ABCC5: variants seen among roughly 807,000 people sequenced by gnomAD.
ABCC5 encodes the protein ATP binding cassette subfamily C member 5.
Under a neutral mutation model 160.9 loss-of-function variants are expected in ABCC5, and 61 were observed. The observed-to-expected ratio is 0.38, with a 90% CI of 0.31 to 0.47. The LOEUF (loss-of-function observed/expected upper bound fraction) is 0.47, where lower values mean the gene tolerates loss of function less well. Among genes scored for constraint, ABCC5 ranks in the 20% least tolerant of loss-of-function variants. The probability of loss-of-function intolerance (pLI) is 0.99; values close to 1 mark genes in which losing one functional copy is unlikely to be tolerated. For synonymous variants in ABCC5, 666 were observed against 700.6 expected (o/e 0.95, Z 0.78); for missense variants, 1,308 against 1,813.3 (o/e 0.72, Z 5.06).
At chr3:183,941,963 A>T (rs1402378415) in intron 25 of ABCC5, among the ~76,000 whole-genome samples, 1 of 150,602 alleles carries the variant, frequency 6.6e-6, no homozygotes, top group Non-Finnish European at 1.5e-5. Flanking sequence ...ACAGAGTGAG[A>T]CTTTGTCTCA....
At position 183,928,833 on chromosome 3, in the gene ABCC5, G is replaced by A; in HGVS notation, c.3855-8C>T. 1 of 1,613,418 alleles carries A rather than the reference G, an allele frequency of 6.2e-7. No individual in the cohort carries two copies. The highest frequency in any genetic ancestry group is 8.5e-7 in the Non-Finnish European group (1 of 1,179,398). On this transcript the variant is annotated splice_region_variant and splice_polypyrimidine_tract_variant and intron_variant, in intron 26 of 29. Transcript: ENST00000334444. Reference sequence around the variant, plus strand: ...AAGGGGTCCAAATTTGATCTAGGGAGAAACACAGGAATTTCTCAGTGGTCC... The same window carrying A: ...AAGGGGTCCAAATTTGATCTAGGGAAAAACACAGGAATTTCTCAGTGGTCC...
chr3:183,997,252 C>T (rs1381782526), intron 2 of ABCC5, among the ~76,000 whole-genome samples: 4 of 152,128 alleles, frequency 2.6e-5, no homozygotes, highest in Non-Finnish European at 4.4e-5. Context: ...TGATTTCAAA[C>T]ATGAATTTTA....
rs747212926 is a variant in ABCC5, at chr3:183,981,882, G to GAA, written c.1000-10_1000-9dup. 6.3e-7 allele frequency: 1 copy of GAA among 1,587,522 alleles called. No homozygotes were observed. The highest frequency in any genetic ancestry group is 8.5e-7 in the Non-Finnish European group (1 of 1,171,762). ...GAGCCGTGATGCAAACATCTGAAAG[G>GAA]AAAAGCGATGCCACGCCAAATTAAA... On this transcript the variant is annotated splice_polypyrimidine_tract_variant and intron_variant, in intron 7 of 29. Coordinates refer to ENST00000334444, the MANE Select transcript of ABCC5 (RefSeq NM_005688.4).
chr3:183,990,789 C>G (rs531042916), intron 2 of ABCC5, among the ~76,000 whole-genome samples: 2 of 131,168 alleles, frequency 1.5e-5, no homozygotes, highest in African/African-American at 9.2e-5. Flanking sequence ...AACAAAAGTG[C>G]ATGCAAAAGT....
chr3:183,985,990 T>C (rs1311803619), intron 5 of ABCC5: 2 of 162,432 alleles, frequency 1.2e-5, no homozygotes, highest in African/African-American at 4.8e-5. Flanking sequence ...ATGTGGGCAG[T>C]CTGTCCTTAC....
intron 26 of ABCC5, among the ~76,000 whole-genome samples, chr3:183,934,980 G>T (rs1001985398): frequency 6.6e-6 from 1 of 151,784 alleles, no homozygotes; most frequent in East Asian, 1.9e-4. Context: ...TCCAAATGAT[G>T]ATTTAAAAAA....
At chr3:183,990,482 T>A (rs1040231406) in intron 2 of ABCC5, among the ~76,000 whole-genome samples, 8 of 152,228 alleles carry the variant, frequency 5.3e-5, no homozygotes, top group Non-Finnish European at 1.2e-4. Flanking sequence ...TTTCCCAATA[T>A]GGATTGAGAG....
At chr3:183,977,664 C>T in intron 9 of ABCC5, 40 bp from the exon 10 acceptor site, 2 of 1,455,756 alleles carry the variant, frequency 1.4e-6, no homozygotes, top group South Asian at 1.2e-5. Context: ...CCTAATGATG[C>T]TATGCAACTG....
chr3:183,968,263 C>T (rs1717412882), intron 11 of ABCC5, among the ~76,000 whole-genome samples: 1 of 152,048 alleles, frequency 6.6e-6, no homozygotes, highest in African/African-American at 2.4e-5. Context: ...GCATGCACCA[C>T]TACACCCAGC....
chr3:183,993,641 C>G (rs1719982431), intron 2 of ABCC5, among the ~76,000 whole-genome samples: 1 of 152,120 alleles, frequency 6.6e-6, no homozygotes, highest in Non-Finnish European at 1.5e-5. Flanking sequence ...TACATGCATG[C>G]ACCCCACTGC....
intron 5 of ABCC5, chr3:183,983,710 C>T: frequency 1.0e-6 from 1 of 985,336 alleles, no homozygotes; most frequent in Non-Finnish European, 1.2e-6. Context: ...GGAGCACACA[C>T]TCACACAAGG....
chr3:183,984,156 T>C lies in ABCC5; in HGVS notation c.592-1149A>G, dbSNP rs189332507. 40 of 985,454 alleles carry C rather than the reference T, an allele frequency of 4.1e-5. No homozygotes were observed. The African/African-American group carries it at 6.5e-4, about 16-fold the overall frequency. The allele number at this position is 985,454 out of a possible 1,614,324, so 61.0% of individuals were successfully genotyped here. On this transcript the variant is annotated intron_variant, in intron 5 of 29. Transcript: ENST00000334444. ...GTACTCTGCTCAAAATGGCTGGTGC[T>C]ACTGGTGCACTAAGTTGTGAGGAAT...
At chr3:183,991,595 G>A (rs552502982) in intron 2 of ABCC5, among the ~76,000 whole-genome samples, 1 of 152,306 alleles carries the variant, frequency 6.6e-6, no homozygotes, top group African/African-American at 2.4e-5. Flanking sequence ...CTGGTATTAG[G>A]AAAGCACATA....
chr3:183,957,775 C>CGCG (rs1560006852), intron 17 of ABCC5, among the ~76,000 whole-genome samples: 2 of 44,434 alleles, frequency 4.5e-5, no homozygotes, highest in South Asian at 6.0e-4. Context: ...ATCGGTTACA[C>CGCG]GTAAATCCGT....
rs367617377 is a variant in ABCC5 at position 183,967,728 on chromosome 3, T to C, written c.1800A>G (p.Gly600=). ...LVGICGSVGS[G]KTSLISAILG... ...AAATGGCTGAAATGAGAGAGGTTTT[T>C]CCACTTCCCACACTGCCACAGATTC... Residue 600 remains glycine, a synonymous_variant, in exon 12 of 30, where the codon GGA becomes GGG. Transcript: ENST00000334444. 1 of 1,613,968 alleles carries C rather than the reference T, an allele frequency of 6.2e-7. No individual in the cohort carries two copies. Among genetic ancestry groups the C allele is most frequent in the Non-Finnish European group, 8.5e-7 (1 of 1,179,866 alleles).
intron 11 of ABCC5, among the ~76,000 whole-genome samples, chr3:183,969,490 G>A (rs777434670): frequency 6.6e-6 from 1 of 152,052 alleles, no homozygotes; most frequent in African/African-American, 2.4e-5. Context: ...TGAGGAGTTC[G>A]AGACCAGCCT....
At chr3:183,936,685 T>G (rs1480751271) in intron 26 of ABCC5, among the ~76,000 whole-genome samples, 1 of 152,062 alleles carries the variant, frequency 6.6e-6, no homozygotes, top group African/African-American at 2.4e-5. Flanking sequence ...TTTTTTGTAT[T>G]TTTTAGTAGA....
At chr3:183,953,409 T>G in intron 17 of ABCC5, 139 bp from the exon 18 acceptor site, 1 of 707,058 alleles carries the variant, frequency 1.4e-6, no homozygotes, top group East Asian at 2.7e-5. Context: ...TCAGAAGCAT[T>G]CATTCATCTA....
Position 183,988,706 on chromosome 3 carries a change from A to T in ABCC5, c.309T>A (p.Asn103Lys). The part of the protein sequence containing the change: ...TTSKHQHPVD[N>K]AGLFSCMTFS... ...AAGTCATACAGGAAAAAAGCCCAGC[A>T]TTGTCCACTGGGTGCTGGTGTCTAA... The change falls in exon 4 of 30, where the codon AAT becomes AAA. Residue 103 changes from asparagine to lysine, a missense_variant. Transcript: ENST00000334444. The surrounding 1 kb of genome is among the most constrained non-coding windows in gnomAD (Gnocchi z 4.4). 6.2e-7 allele frequency: 1 copy of T among 1,614,150 alleles called. No individual in the cohort carries two copies. Among genetic ancestry groups the T allele is most frequent in the Non-Finnish European group, 8.5e-7 (1 of 1,180,016 alleles).
Sources: gnomAD v4.1 joint callset for allele counts (sites outside exome capture counted in the v4.1 genomes callset) on GRCh38, gnomAD v4.1.1 for gene constraint, Gnocchi (gnomAD v3.1) non-coding constraint, MANE v1.5 for transcripts, NCBI Gene and HGNC (gene_info 2026-07-23, HGNC 2026-07-21) for gene names.